Variants in PPARGC1B observed in about 807,000 individuals in gnomAD.
PPARGC1B encodes the protein PPARG coactivator 1 beta.
In PPARGC1B, 34 loss-of-function variants were observed where a neutral mutation model predicts 101.6. The observed-to-expected ratio is 0.33, with a 90% CI of 0.25 to 0.45. PPARGC1B has a LOEUF of 0.45. Among genes scored for constraint, PPARGC1B ranks in the 20% least tolerant of loss-of-function variants. PPARGC1B has a pLI of 1.00. For synonymous variants in PPARGC1B, 548 were observed against 539.3 expected, an observed-to-expected ratio of 1.02 and a Z score of -0.22; for missense variants, 1,234 against 1,317.6, an observed-to-expected ratio of 0.94 and a Z score of 0.98.
chr5:149,830,031 AAAAAAAAAAAAAAAAAAAAAAAAG>A (rs1389400239), intron 3 of PPARGC1B, among the ~76,000 whole-genome samples: 6 of 84,210 alleles, frequency 7.1e-5, no homozygotes, highest in Non-Finnish European at 1.1e-4. Flanking sequence ...ACTGCATCTC[AAAAAAAAAAAAAAAAAAAAAAAAG>A]AAAAAAAAAA....
intron 1 of PPARGC1B, among the ~76,000 whole-genome samples, chr5:149,759,027 A>AT (rs1755628821): frequency 6.6e-6 from 1 of 152,238 alleles, no homozygotes; most frequent in South Asian, 2.1e-4. Flanking sequence ...TTCAAAGGAA[A>AT]TAAAAACCAC....
At chr5:149,775,272 G>A (rs880770) in intron 1 of PPARGC1B, among the ~76,000 whole-genome samples, 93,367 of 152,018 alleles carry the variant, frequency 0.61, 28,961 homozygotes, top group East Asian at 0.78. Context: ...AGTGGTAATA[G>A]GAGGTGATAT....
intron 1 of PPARGC1B, among the ~76,000 whole-genome samples, chr5:149,765,474 G>GTCA (rs1352177529): frequency 7.9e-5 from 12 of 152,170 alleles, no homozygotes; most frequent in Middle Eastern, 3.2e-3. Context: ...GAAGGACAAT[G>GTCA]TCATATCTCC....
intron 2 of PPARGC1B, among the ~76,000 whole-genome samples, chr5:149,824,398 G>A (rs1159858327): frequency 6.6e-6 from 1 of 152,126 alleles, no homozygotes; most frequent in Admixed American, 6.5e-5. Context: ...TAAATCTGCC[G>A]TGGTGCCTCC....
chr5:149,814,507 A>T (rs558355789), intron 1 of PPARGC1B, among the ~76,000 whole-genome samples: 1 of 152,112 alleles, frequency 6.6e-6, no homozygotes, highest in Admixed American at 6.5e-5. Context: ...AGGTGACCCA[A>T]TGAAGGACGC....
rs1366125914 is a variant in PPARGC1B, at chr5:149,837,802, G to C, written c.2618+729G>C. Among the ~76,000 whole-genome samples, 1 of 152,218 alleles carries C rather than the reference G, an allele frequency of 6.6e-6. No individual in the cohort carries two copies. Among genetic ancestry groups the C allele is most frequent in the African/African-American group, 2.4e-5 (1 of 41,454 alleles). On this transcript the variant is annotated intron_variant, in intron 8 of 11. Transcript: ENST00000309241. This position sits in a 1 kb window ranked among gnomAD's most constrained non-coding sequence, Gnocchi z 4.2. ...TGGGTCCTGATTCTCCCTGGGGAAG[G>C]CTTGAGGACAGTCAGTGTCATCATC... is the stretch of plus-strand genomic sequence containing the variant.
intron 1 of PPARGC1B, among the ~76,000 whole-genome samples, chr5:149,815,564 C>A (rs1007212719): frequency 1.3e-5 from 2 of 152,072 alleles, no homozygotes; most frequent in Admixed American, 6.5e-5. Flanking sequence ...TACTTACTTA[C>A]AATTTATTTA....
chr5:149,761,983 A>G (rs1755732405), intron 1 of PPARGC1B, among the ~76,000 whole-genome samples: 1 of 152,058 alleles, frequency 6.6e-6, no homozygotes, highest in Non-Finnish European at 1.5e-5. Context: ...TGGGATTTGG[A>G]TATCTGCCTA....
downstream of PPARGC1B, among the ~76,000 whole-genome samples, chr5:149,857,776 G>A (rs961063525): frequency 2.0e-5 from 3 of 152,224 alleles, no homozygotes; most frequent in African/African-American, 7.2e-5. Flanking sequence ...AACTGTGCCA[G>A]GAACTTGGCC....
chr5:149,832,288 T>C lies in PPARGC1B; in HGVS notation c.583-368T>C, dbSNP rs1758818243. On this transcript the variant is annotated intron_variant, in intron 4 of 11. Transcript: ENST00000309241. This position sits in a 1 kb window ranked among gnomAD's most constrained non-coding sequence, Gnocchi z 4.9. ...CGATGAATCCCCCAGTGCTCATTTGTAGCAAGTCCTTCCTACGCCCAGCTC... is the reference window on the plus strand; with the variant it reads ...CGATGAATCCCCCAGTGCTCATTTGCAGCAAGTCCTTCCTACGCCCAGCTC... Among the ~76,000 whole-genome samples the C allele has an allele frequency of 6.6e-6, 1 of 152,194 alleles. No individual in the cohort carries two copies. Among genetic ancestry groups the C allele is most frequent in the South Asian group, 2.1e-4 (1 of 4,824 alleles).
chr5:149,828,799 C>G (rs753596967), intron 3 of PPARGC1B, among the ~76,000 whole-genome samples: 1 of 152,164 alleles, frequency 6.6e-6, no homozygotes, highest in African/African-American at 2.4e-5. Flanking sequence ...GTAATCCCAA[C>G]ACTTTGGGAG....
Position 149,836,609 on chromosome 5 carries a change from C to T in PPARGC1B, c.2154C>T (p.His718=), listed in dbSNP as rs750784702. 1.2e-6 allele frequency: 2 copies of T among 1,613,748 alleles called. No individual in the cohort carries two copies. Among genetic ancestry groups the T allele is most frequent in the African/African-American group, 2.7e-5 (2 of 74,950 alleles). Residue 718 remains histidine, a synonymous_variant, in exon 8 of 12, where the codon CAC becomes CAT. Coordinates refer to ENST00000309241, the MANE Select transcript of PPARGC1B (RefSeq NM_133263.4). ...VLRSWEPSGV[H]LEDWPQQGAP... is the part of the protein sequence containing the mutation. Reference sequence around the variant, plus strand: ...GGTCCTGGGAGCCGTCTGGGGTTCACCTTGAGGACTGGCCCCAGCAGGGTG... The same window carrying T: ...GGTCCTGGGAGCCGTCTGGGGTTCATCTTGAGGACTGGCCCCAGCAGGGTG...
Position 149,845,799 on chromosome 5 carries a change from G to A in PPARGC1B, c.2856G>A (p.Glu952=), listed in dbSNP as rs1759529349. The A allele has an allele frequency of 1.2e-6, 2 of 1,613,916 alleles. No homozygotes were observed. The highest frequency in any genetic ancestry group is 1.7e-6 in the Non-Finnish European group (2 of 1,179,804). The change falls in exon 11 of 12, where the codon GAG becomes GAA. Residue 952 remains glutamate (E), a synonymous_variant. Transcript: ENST00000309241. ...GCTTCATCACCTACCGGTGTTCTGA[G>A]CACGCGGCCCTCTCTTTGACAAAGG... is the stretch of plus-strand genomic sequence containing the variant. ...KYGFITYRCS[E]HAALSLTKGA...
intron 1 of PPARGC1B, among the ~76,000 whole-genome samples, chr5:149,805,163 T>G (rs1285170228): frequency 6.6e-6 from 1 of 152,164 alleles, no homozygotes; most frequent in Admixed American, 6.5e-5. Flanking sequence ...CCCCATTCTT[T>G]CAAAGTCACA....
At chr5:149,798,319 C>T (rs1484106567) in intron 1 of PPARGC1B, among the ~76,000 whole-genome samples, 2 of 152,250 alleles carry the variant, frequency 1.3e-5, no homozygotes, top group Non-Finnish European at 2.9e-5. Context: ...CATTTCTAGT[C>T]TCTAACACGC....
Position 149,837,172 on chromosome 5 carries a change from T to C in PPARGC1B, c.2618+99T>C. 6.7e-7 allele frequency: 1 copy of C among 1,495,254 alleles called. No homozygotes were observed. The highest frequency in any genetic ancestry group is 8.9e-7 in the Non-Finnish European group (1 of 1,122,498). The allele number at this position is 1,495,254 out of a possible 1,614,324, so 92.6% of individuals were successfully genotyped here. On this transcript the variant is annotated intron_variant, in intron 8 of 11. Coordinates refer to ENST00000309241, the MANE Select transcript of PPARGC1B (RefSeq NM_133263.4). The surrounding 1 kb of genome is among the most constrained non-coding windows in gnomAD (Gnocchi z 4.2). The stretch of plus-strand genomic sequence containing the variant: ...GAGGGAGGATCCCTGGGAAGCTTGC[T>C]CTGAAACTGAGGCTGCATCTCCCAG...
At position 149,734,321 on chromosome 5, in the gene PPARGC1B, CAAAAAAAAAA is replaced by C. The variant is rs1221455764; in HGVS notation, c.78+3916_78+3925del. On this transcript the variant is annotated intron_variant, in intron 1 of 11. Transcript: ENST00000309241. ...TGGACAAAAGAGCGAAACTCATTCT[CAAAAAAAAAA>C]AAAAAAAAAAAAAAGGAGTTATCCT... Among the ~76,000 whole-genome samples, 3 of 64,512 alleles carry C rather than the reference CAAAAAAAAAA, an allele frequency of 4.7e-5. No individual in the cohort carries two copies. In the South Asian group the frequency reaches 2.2e-3, roughly 48 times the overall value. 42.3% of individuals were successfully genotyped at this position (64,512 alleles called of 152,430 possible). A position where few individuals can be genotyped will look rare whatever the true frequency, so the allele number is the denominator to read the frequency against.
chr5:149,824,715 G>T (rs1277839470), intron 2 of PPARGC1B, among the ~76,000 whole-genome samples: 1 of 152,186 alleles, frequency 6.6e-6, no homozygotes, highest in Non-Finnish European at 1.5e-5. Context: ...AAGGAGACTT[G>T]TGGGTAGGGG....
chr5:149,783,140 CT>C (rs1159235734), intron 1 of PPARGC1B, among the ~76,000 whole-genome samples: 11 of 152,144 alleles, frequency 7.2e-5, no homozygotes, highest in African/African-American at 2.2e-4. Context: ...TTCTTCACCC[CT>C]GGGCCACATT....
Sources: gnomAD v4.1 joint callset for allele counts (sites outside exome capture counted in the v4.1 genomes callset) on GRCh38, gnomAD v4.1.1 for gene constraint, Gnocchi (gnomAD v3.1) non-coding constraint, MANE v1.5 for transcripts, NCBI Gene and HGNC (gene_info 2026-07-23, HGNC 2026-07-21) for gene names.